The following SSBP2 variants were observed in gnomAD, a reference collection of about 807,000 sequenced individuals.
SSBP2 encodes the protein single-stranded DNA-binding protein 2.
SSBP2 carries 17 observed loss-of-function variants against 61.8 expected under a neutral mutation model. That is an observed-to-expected ratio of 0.28 (90% CI 0.19 to 0.41). The LOEUF (loss-of-function observed/expected upper bound fraction) is 0.41. SSBP2 is among the 10% of genes least tolerant of loss of function. The probability of loss-of-function intolerance (pLI) is 1.00; values close to 1 mark genes in which losing one functional copy is unlikely to be tolerated. For synonymous variants in SSBP2, 139 were observed against 141.3 expected (o/e 0.98, Z 0.12); for missense variants, 310 against 458.7 (o/e 0.68, Z 2.96).
In SSBP2 at chr5:81,695,523, C is replaced by G. The variant is rs57455684; in HGVS notation, c.63-45184G>C. ...CCTCCCCCCACCCCACGACAGGCCC[C>G]GGTGTGTGATGTTCCCTGCCCTGTG... On this transcript the variant is annotated intron_variant, in intron 1 of 16. Coordinates refer to ENST00000320672, the MANE Select transcript of SSBP2 (RefSeq NM_012446.5). 9.9e-3 allele frequency among the ~76,000 whole-genome samples: 1,388 copies of G among 140,046 alleles called. 20 individuals are homozygous for G. Among genetic ancestry groups the G allele is most frequent in the African/African-American group, 0.036 (1,330 of 37,332 alleles). 91.9% of individuals were successfully genotyped at this position (140,046 alleles called of 152,430 possible).
intron 4 of SSBP2, among the ~76,000 whole-genome samples, chr5:81,524,133 T>A (rs1327317637): frequency 6.6e-6 from 1 of 152,000 alleles, no homozygotes; most frequent in South Asian, 2.1e-4. Context: ...AAAACTTTTT[T>A]CCCCTCTGTG....
intron 3 of SSBP2, among the ~76,000 whole-genome samples, chr5:81,628,228 GAGA>G (rs1424650505): frequency 6.6e-6 from 1 of 152,190 alleles, no homozygotes; most frequent in Non-Finnish European, 1.5e-5. Flanking sequence ...CGACAGCATG[GAGA>G]AGAATGAAAG....
At chr5:81,564,252 G>A (rs1375746740) in intron 4 of SSBP2, among the ~76,000 whole-genome samples, 1 of 152,152 alleles carries the variant, frequency 6.6e-6, no homozygotes, top group Non-Finnish European at 1.5e-5. Context: ...TGTTGATGAG[G>A]ATAGGGAGAA....
intron 1 of SSBP2, among the ~76,000 whole-genome samples, chr5:81,687,984 C>CG (rs1752943282): frequency 6.6e-6 from 1 of 152,116 alleles, no homozygotes; most frequent in African/African-American, 2.4e-5. Context: ...AGAAGGAAGA[C>CG]AAAAGGGTAC....
chr5:81,656,391 G>T (rs1175569409), intron 1 of SSBP2, among the ~76,000 whole-genome samples: 1 of 152,070 alleles, frequency 6.6e-6, no homozygotes, highest in African/African-American at 2.4e-5. Context: ...GTGTTCAACT[G>T]TTGACTGTCC....
intron 10 of SSBP2, among the ~76,000 whole-genome samples, chr5:81,453,098 G>A (rs748081653): frequency 6.6e-6 from 1 of 151,488 alleles, no homozygotes; most frequent in Non-Finnish European, 1.5e-5. Flanking sequence ...AGTTTGAGAC[G>A]AACCTGGGCA....
intron 11 of SSBP2, among the ~76,000 whole-genome samples, chr5:81,448,430 T>C (rs779317111): frequency 1.9e-4 from 29 of 152,198 alleles, no homozygotes; most frequent in Non-Finnish European, 3.2e-4. Context: ...TCTTAGACGC[T>C]ATGTGTGGTG....
chr5:81,424,555 T>C (rs150426431), intron 16 of SSBP2, among the ~76,000 whole-genome samples: 3 of 152,276 alleles, frequency 2.0e-5, no homozygotes, highest in East Asian at 1.9e-4. Context: ...TACAGTAAAA[T>C]AGTTTGTATT....
At chr5:81,495,167 A>G (rs1268003415) in intron 5 of SSBP2, among the ~76,000 whole-genome samples, 1 of 152,142 alleles carries the variant, frequency 6.6e-6, no homozygotes, top group African/African-American at 2.4e-5. Flanking sequence ...CTAAAGGTAG[A>G]TCCCTCAGTC....
chr5:81,494,607 T>C (rs1325778870), intron 5 of SSBP2, among the ~76,000 whole-genome samples: 1 of 152,184 alleles, frequency 6.6e-6, no homozygotes, highest in African/African-American at 2.4e-5. Context: ...AGGAGGGTCC[T>C]CTCCAGGAGT....
At chr5:81,501,686 C>T (rs528132743) in intron 5 of SSBP2, among the ~76,000 whole-genome samples, 2 of 151,728 alleles carry the variant, frequency 1.3e-5, no homozygotes, top group South Asian at 4.2e-4. Flanking sequence ...CCTCAGCCTC[C>T]TGAGTAGCTG....
At chr5:81,633,714 C>T (rs551128710) in intron 3 of SSBP2, among the ~76,000 whole-genome samples, 3 of 152,254 alleles carry the variant, frequency 2.0e-5, no homozygotes, top group South Asian at 2.1e-4. Context: ...TAACCAGATG[C>T]CTGCTCAACA....
chr5:81,594,992 C>T (rs1175120965), intron 4 of SSBP2, among the ~76,000 whole-genome samples: 1 of 152,088 alleles, frequency 6.6e-6, no homozygotes, highest in Non-Finnish European at 1.5e-5. Context: ...TAACTAAGAT[C>T]AGAGCAGAAC....
At chr5:81,668,598 A>C (rs1751354930) in intron 1 of SSBP2, among the ~76,000 whole-genome samples, 1 of 152,184 alleles carries the variant, frequency 6.6e-6, no homozygotes, top group South Asian at 2.1e-4. Context: ...GGTTATTTTT[A>C]GCCAGTTGAA....
At chr5:81,477,962 CTG>C (rs1765704447) in intron 6 of SSBP2, among the ~76,000 whole-genome samples, 1 of 151,818 alleles carries the variant, frequency 6.6e-6, no homozygotes, top group Non-Finnish European at 1.5e-5. Flanking sequence ...AAAAAAGAAA[CTG>C]AAACTGAATA....
intron 6 of SSBP2, among the ~76,000 whole-genome samples, chr5:81,483,166 T>C (rs576207717): frequency 1.3e-5 from 2 of 152,262 alleles, no homozygotes; most frequent in South Asian, 4.2e-4. Flanking sequence ...CAGTGATCAC[T>C]GTAAGAGATA....
intron 8 of SSBP2, among the ~76,000 whole-genome samples, chr5:81,473,332 G>A (rs780311342): frequency 4.6e-5 from 7 of 152,176 alleles, no homozygotes; most frequent in Non-Finnish European, 8.8e-5. Context: ...GGTAGTTTGC[G>A]GCACCTATTA....
chr5:81,557,203 T>C (rs751097543), intron 4 of SSBP2, among the ~76,000 whole-genome samples: 19 of 152,246 alleles, frequency 1.2e-4, no homozygotes, highest in Non-Finnish European at 2.1e-4. Context: ...ACAAAAAGTT[T>C]GCTGAAATCT....
intron 1 of SSBP2, among the ~76,000 whole-genome samples, chr5:81,701,455 A>C (rs1753978983): frequency 6.6e-6 from 1 of 152,220 alleles, no homozygotes; most frequent in Non-Finnish European, 1.5e-5. Context: ...TGTCCTTGGT[A>C]AAATAATACC....
Sources: allele counts gnomAD v4.1 joint callset (sites outside exome capture counted in the v4.1 genomes callset), GRCh38; gene constraint gnomAD v4.1.1; transcripts MANE v1.5; gene names NCBI Gene and HGNC (gene_info 2026-07-23, HGNC 2026-07-21).